PTPRD: variants seen among roughly 807,000 people sequenced by gnomAD.
The protein encoded by PTPRD is protein tyrosine phosphatase receptor type D, also known as receptor-type tyrosine-protein phosphatase delta.
PTPRD carries 34 observed loss-of-function variants against 214.5 expected under a neutral mutation model. The observed-to-expected ratio is 0.16, with a 90% CI of 0.12 to 0.21. The LOEUF (loss-of-function observed/expected upper bound fraction) is 0.21, where lower values mean the gene tolerates loss of function less well. Ranked by LOEUF, PTPRD falls within the 10% of genes least tolerant of loss-of-function variation. The probability of loss-of-function intolerance (pLI) is 1.00; values close to 1 mark genes in which losing one functional copy is unlikely to be tolerated. For synonymous variants in PTPRD, 1,128 were observed against 845.7 expected (o/e 1.33, Z -5.79); for missense variants, 2,545 against 2,398.7 (o/e 1.06, Z -1.27).
intron 5 of PTPRD, among the ~76,000 whole-genome samples, chr9:9,884,182 T>G (rs4313211): frequency 1.3e-5 from 2 of 151,872 alleles, no homozygotes; most frequent in African/African-American, 4.8e-5. Context: ...CCCATCATCC[T>G]TCAAACATTG....
chr9:10,326,220 C>G (rs1206154458), intron 3 of PTPRD, among the ~76,000 whole-genome samples: 1 of 151,586 alleles, frequency 6.6e-6, no homozygotes, highest in Non-Finnish European at 1.5e-5. Context: ...TTTTTGTGTT[C>G]TTTAATAAAA....
At chr9:9,237,423 C>T (rs1050864181) in intron 9 of PTPRD, among the ~76,000 whole-genome samples, 2 of 152,026 alleles carry the variant, frequency 1.3e-5, no homozygotes, top group Admixed American at 1.3e-4. Context: ...GAGTGAGACC[C>T]TATCTTTACA....
At chr9:9,223,003 T>G (rs1421778900) in intron 9 of PTPRD, among the ~76,000 whole-genome samples, 2 of 152,054 alleles carry the variant, frequency 1.3e-5, no homozygotes, top group East Asian at 3.9e-4. Flanking sequence ...TGACTTTTTC[T>G]TACTGTAACT....
chr9:8,673,832 T>A (rs1032121222), intron 12 of PTPRD, among the ~76,000 whole-genome samples: 1 of 152,132 alleles, frequency 6.6e-6, no homozygotes, highest in Non-Finnish European at 1.5e-5. Context: ...GGCTGCATGA[T>A]TTGTTATAAG....
chr9:9,024,350 TTG>T (rs2099580135), intron 10 of PTPRD, among the ~76,000 whole-genome samples: 2 of 61,804 alleles, frequency 3.2e-5, no homozygotes, highest in African/African-American at 8.3e-5. Context: ...TTTTTTTTGT[TTG>T]TTTTTTTTTT....
At chr9:9,466,787 T>G (rs1223680498) in intron 8 of PTPRD, among the ~76,000 whole-genome samples, 1 of 152,208 alleles carries the variant, frequency 6.6e-6, no homozygotes, top group African/African-American at 2.4e-5. Context: ...GCAAAATGCC[T>G]TACTAATTTT....
intron 5 of PTPRD, among the ~76,000 whole-genome samples, chr9:9,852,686 G>A (rs1329311031): frequency 5.9e-5 from 9 of 151,762 alleles, no homozygotes; most frequent in Admixed American, 5.9e-4. Flanking sequence ...AACTTTTAAA[G>A]TAACAATTAC....
intron 3 of PTPRD, among the ~76,000 whole-genome samples, chr9:10,242,820 C>T (rs1305869619): frequency 1.3e-5 from 2 of 151,534 alleles, no homozygotes; most frequent in African/African-American, 4.8e-5. Context: ...TATTTTACAA[C>T]CTTGCTACTT....
chr9:9,968,522 T>A (rs2094865560), intron 4 of PTPRD, among the ~76,000 whole-genome samples: 2 of 152,140 alleles, frequency 1.3e-5, no homozygotes, highest in East Asian at 3.8e-4. Flanking sequence ...TCAATAATCT[T>A]GACATAGTGG....
rs551375540 is a variant in PTPRD, at chr9:9,244,494, C to T, written c.-202-61131G>A. ...CAGAAATAATGCCACACATCTACAA[C>T]TATCTGATCTTTGACAAACCTGACA... On this transcript the variant is annotated intron_variant, in intron 9 of 45. Coordinates refer to ENST00000381196, the MANE Select transcript of PTPRD (RefSeq NM_002839.4). Among the ~76,000 whole-genome samples, 128 of 152,270 alleles carry T rather than the reference C, an allele frequency of 8.4e-4. 1 individual carries two copies. Among genetic ancestry groups the T allele is most frequent in the African/African-American group, 3.0e-3 (123 of 41,580 alleles).
chr9:9,964,406 A>G lies in PTPRD; in HGVS notation c.-471-25796T>C, dbSNP rs149325667. Among the ~76,000 whole-genome samples the G allele has an allele frequency of 2.0e-4, 31 of 152,310 alleles. No individual in the cohort carries two copies. In the East Asian group the frequency reaches 5.8e-3, roughly 28 times the overall value. On this transcript the variant is annotated intron_variant, in intron 4 of 45. Transcript: ENST00000381196. ...TTCTTAGAAAAGTTTTGAGAGAATG[A>G]GAATGTTTTCTTTCCGTATAATTCC...
At chr9:10,226,774 C>A (rs1269154813) in intron 3 of PTPRD, among the ~76,000 whole-genome samples, 2 of 151,916 alleles carry the variant, frequency 1.3e-5, no homozygotes, top group Non-Finnish European at 2.9e-5. Context: ...GTTGTAGGGA[C>A]TCATCAGGGA....
At chr9:9,706,972 A>G (rs2097631306) in intron 7 of PTPRD, among the ~76,000 whole-genome samples, 1 of 152,208 alleles carries the variant, frequency 6.6e-6, no homozygotes, top group Admixed American at 6.6e-5. Context: ...ATTTGTTATC[A>G]GCAAAGATAA....
intron 9 of PTPRD, among the ~76,000 whole-genome samples, chr9:9,287,332 T>A (rs1323071976): frequency 2.0e-5 from 3 of 151,852 alleles, no homozygotes. Context: ...TACTATTTCA[T>A]CGTCACCTTT....
At chr9:9,055,456 T>C (rs2099694456) in intron 10 of PTPRD, among the ~76,000 whole-genome samples, 1 of 152,118 alleles carries the variant, frequency 6.6e-6, no homozygotes, top group African/African-American at 2.4e-5. Context: ...GCCAGTCTCA[T>C]CCAAAAGTGC....
chr9:9,140,517 G>A (rs1337005856), intron 10 of PTPRD, among the ~76,000 whole-genome samples: 1 of 152,166 alleles, frequency 6.6e-6, no homozygotes, highest in African/African-American at 2.4e-5. Context: ...ATGACAACCG[G>A]GACTCTGGAC....
intron 8 of PTPRD, among the ~76,000 whole-genome samples, chr9:9,415,198 T>TA (rs536517576): frequency 9.2e-5 from 14 of 151,948 alleles, no homozygotes; most frequent in Non-Finnish European, 1.9e-4. Context: ...TCAGATGGCA[T>TA]AAAAAAGACC....
chr9:10,467,505 C>T (rs908356186), intron 2 of PTPRD, among the ~76,000 whole-genome samples: 3 of 152,302 alleles, frequency 2.0e-5, no homozygotes, highest in Non-Finnish European at 2.9e-5. Context: ...TTAATAGACA[C>T]TCCTTCATCT....
chr9:8,580,560 C>T (rs2092966702), intron 14 of PTPRD, among the ~76,000 whole-genome samples: 1 of 152,100 alleles, frequency 6.6e-6, no homozygotes, highest in Non-Finnish European at 1.5e-5. Context: ...ATAGTCTGAA[C>T]TATCAGGGAA....
Sources: gnomAD v4.1 joint callset for allele counts (sites outside exome capture counted in the v4.1 genomes callset) on GRCh38, gnomAD v4.1.1 for gene constraint, MANE v1.5 for transcripts, NCBI Gene and HGNC (gene_info 2026-07-23, HGNC 2026-07-21) for gene names.